TLR1: variants seen among roughly 807,000 people sequenced by gnomAD.
TLR1 encodes toll-like receptor 1.
In TLR1, 19 loss-of-function variants were observed where a neutral mutation model predicts 20.2. The observed-to-expected ratio is 0.94, with a 90% confidence interval of 0.66 to 1.38. TLR1 has a LOEUF of 1.38. Ranked by LOEUF, TLR1 falls within the 40% of genes most tolerant of loss-of-function variation. The probability of loss-of-function intolerance (pLI) is 0.00; values close to 1 mark genes in which losing one functional copy is unlikely to be tolerated. For synonymous variants in TLR1, 320 were observed against 334.5 expected (o/e 0.96, Z 0.47); for missense variants, 921 against 910.0 (o/e 1.01, Z -0.16).
Position 38,797,345 on chromosome 4 carries a change from A to C in TLR1, c.1487T>G (p.Ile496Ser). The C allele has an allele frequency of 6.2e-7, 1 of 1,614,154 alleles. No homozygotes were observed. The highest frequency in any genetic ancestry group is 8.5e-7 in the Non-Finnish European group (1 of 1,180,006). ...GTGGGAAACTGAATTGTGATCAATG[A>C]TCAATACAGAAAGGCTGCTAAAGCT... is the stretch of plus-strand genomic sequence containing the variant. The part of the protein sequence containing the change: ...CGSFSSLSVL[I>S]IDHNSVSHPS... Residue 496 changes from isoleucine to serine, a missense_variant, in exon 4 of 4, where the codon ATC becomes AGC. Physicochemically the swap from Ile to Ser is moderately radical, Grantham distance 142. Coordinates refer to ENST00000308979, the MANE Select transcript of TLR1 (RefSeq NM_003263.4).
At chr4:38,788,744 C>T (rs1220864371), downstream of TLR1, among the ~76,000 whole-genome samples, 2 of 152,142 alleles carry the variant, frequency 1.3e-5, no homozygotes, top group African/African-American at 4.8e-5. Context: ...TGCAGTGACT[C>T]GTGTGTAATC....
intron 3 of TLR1, 48 bp from the exon 4 acceptor site, chr4:38,798,946 A>G: frequency 1.1e-6 from 1 of 894,996 alleles, no homozygotes; most frequent in Non-Finnish European, 1.6e-6. Context: ...TACATTTTTA[A>G]AATACACGAA....
rs922926209 is a variant in TLR1, at chr4:38,804,342, G to A, written c.-196C>T. On this transcript the variant is annotated 5_prime_UTR_variant, in exon 2 of 4. Transcript: ENST00000308979. Reference sequence around the variant, plus strand: ...AACAGAAGAGCTGAACAGCAGCATTGCCTCCGGGAGTAACTGACTTATATC... The same window carrying A: ...AACAGAAGAGCTGAACAGCAGCATTACCTCCGGGAGTAACTGACTTATATC... 1.1e-4 allele frequency: 16 copies of A among 152,274 alleles called. No homozygotes were observed. The highest frequency in any genetic ancestry group is 3.6e-4 in the African/African-American group (15 of 41,454). 9.4% of individuals were successfully genotyped at this position (152,274 alleles called of 1,614,324 possible). A position where few individuals can be genotyped will look rare whatever the true frequency, so the allele number is the denominator to read the frequency against.
In TLR1 at chr4:38,797,439, C is replaced by T. The variant is rs200070488; in HGVS notation, c.1393G>A (p.Val465Ile). The T allele has an allele frequency of 7.2e-5, 117 of 1,613,956 alleles. No homozygotes were observed. Among genetic ancestry groups the T allele is most frequent in the Middle Eastern group, 1.6e-4 (1 of 6,076 alleles). Residue 465 changes from valine (V) to isoleucine (I), a missense_variant, in exon 4 of 4, where the codon GTA becomes ATA. Val to Ile is a conservative substitution (Grantham distance 29, BLOSUM62 3). Transcript: ENST00000308979. The stretch of plus-strand genomic sequence containing the variant: ...AGTTCTTGCAAAGCTTCCAGTTTTA[C>T]GACTTGTTTAGGAATGCTCTTTATT... The part of the protein sequence containing the change: ...NKIKSIPKQV[V>I]KLEALQELNV...
At chr4:38,793,329 C>T (rs1169863309), downstream of TLR1, among the ~76,000 whole-genome samples, 2 of 152,138 alleles carry the variant, frequency 1.3e-5, no homozygotes, top group Non-Finnish European at 1.5e-5. Flanking sequence ...CTATATTTTA[C>T]AAATAATGAA....
rs1360128234 is a variant in TLR1, at chr4:38,797,375, C to T, written c.1457G>A (p.Cys486Tyr). Residue 486 changes from cysteine (C) to tyrosine (Y), a missense_variant, in exon 4 of 4, where the codon TGT becomes TAT. Cys to Tyr is a radical substitution (Grantham distance 194). Transcript: ENST00000308979. ...AFNSLTDLPG[C>Y]GSFSSLSVLI... Reference sequence around the variant, plus strand: ...TACAGAAAGGCTGCTAAAGCTGCCACATCCAGGAAGGTCAGTTAAAGAATT... The same window carrying T: ...TACAGAAAGGCTGCTAAAGCTGCCATATCCAGGAAGGTCAGTTAAAGAATT... 7 of 1,614,136 alleles carry T rather than the reference C, an allele frequency of 4.3e-6. No individual in the cohort carries two copies. The highest frequency in any genetic ancestry group is 5.9e-6 in the Non-Finnish European group (7 of 1,179,972).
downstream of TLR1, chr4:38,790,633 T>C (rs1295835732): frequency 6.6e-6 from 1 of 152,066 alleles, no homozygotes; most frequent in African/African-American, 2.4e-5. Context: ...GATTTCTCCG[T>C]CTTATTATTA....
chr4:38,801,986 C>T (rs1726691030), intron 2 of TLR1, among the ~76,000 whole-genome samples: 2 of 152,216 alleles, frequency 1.3e-5, no homozygotes, highest in Admixed American at 6.5e-5. Context: ...CACTTGAGGT[C>T]GGGAGTTTGA....
At chr4:38,798,983 T>C in intron 3 of TLR1, 85 bp from the exon 4 acceptor site, 1 of 667,536 alleles carries the variant, frequency 1.5e-6, no homozygotes, top group Non-Finnish European at 2.4e-6. Flanking sequence ...ATTAAACTTT[T>C]TTTTGTTACA....
downstream of TLR1, among the ~76,000 whole-genome samples, chr4:38,787,637 C>T (rs1354998621): frequency 3.3e-5 from 5 of 151,972 alleles, no homozygotes; most frequent in Admixed American, 2.0e-4. Context: ...TTCGCAAGTA[C>T]TCAATATAAA....
chr4:38,802,283 A>T (rs1726720106), intron 2 of TLR1, among the ~76,000 whole-genome samples: 1 of 152,176 alleles, frequency 6.6e-6, no homozygotes, highest in Admixed American at 6.5e-5. Flanking sequence ...GTCTCCTAAT[A>T]GATAGAAAAC....
upstream of TLR1, chr4:38,805,465 C>T (rs1042258705): frequency 6.6e-6 from 1 of 152,100 alleles, no homozygotes; most frequent in African/African-American, 2.4e-5. Context: ...TTATAAAAAT[C>T]CTGGGGTTTG....
chr4:38,802,214 A>C (rs914453426), intron 2 of TLR1, among the ~76,000 whole-genome samples: 3 of 152,202 alleles, frequency 2.0e-5, no homozygotes, highest in Non-Finnish European at 4.4e-5. Flanking sequence ...AACAAACAAA[A>C]ACAAAAAAAC....
downstream of TLR1, among the ~76,000 whole-genome samples, chr4:38,795,621 A>G (rs149277446): frequency 1.1e-4 from 17 of 152,352 alleles, no homozygotes; most frequent in African/African-American, 3.8e-4. Context: ...CTGAGGTGGA[A>G]CACTTTCTTG....
chr4:38,804,177 G>A (rs1726868132), intron 2 of TLR1, 129 bp downstream of exon 2: 2 of 152,330 alleles, frequency 1.3e-5, no homozygotes, highest in East Asian at 3.9e-4. Flanking sequence ...CAAATTGGAT[G>A]TAGCCTGGGA....
In TLR1 at chr4:38,797,987, T is replaced by C; in HGVS notation, c.845A>G (p.Lys282Arg). ...TVWYFSISNVKLQGQLDFRDF... is the reference protein window; with the variant it reads ...TVWYFSISNVRLQGQLDFRDF... ...TCTGAAGTCCAGCTGACCCTGTAGCTTCACGTTTGAAATTGAGAAATACCA... is the reference window on the plus strand; with the variant it reads ...TCTGAAGTCCAGCTGACCCTGTAGCCTCACGTTTGAAATTGAGAAATACCA... Residue 282 changes from lysine to arginine, a missense_variant, in exon 4 of 4, where the codon AAG (lysine) becomes AGG (arginine). Coordinates refer to ENST00000308979, the MANE Select transcript of TLR1 (RefSeq NM_003263.4). The C allele has an allele frequency of 1.2e-6, 2 of 1,614,194 alleles. No individual in the cohort carries two copies. Among genetic ancestry groups the C allele is most frequent in the African/African-American group, 1.3e-5 (1 of 75,062 alleles).
chr4:38,796,276 A>G lies in TLR1; in HGVS notation c.*195T>C. 1.6e-6 allele frequency: 1 copy of G among 620,790 alleles called. No individual in the cohort carries two copies. The highest frequency in any genetic ancestry group is 2.7e-6 in the Non-Finnish European group (1 of 367,202). The allele number at this position is 620,790 out of a possible 1,614,324, so 38.5% of individuals were successfully genotyped here. On this transcript the variant is annotated 3_prime_UTR_variant, in exon 4 of 4. Coordinates refer to ENST00000308979, the MANE Select transcript of TLR1 (RefSeq NM_003263.4). Reference sequence around the variant, plus strand: ...TCCCTTATGTGTCAGAACTGTTTAAATCAAAGTTATATCATTTCATTAATT... The same window carrying G: ...TCCCTTATGTGTCAGAACTGTTTAAGTCAAAGTTATATCATTTCATTAATT...
chr4:38,804,840 G>C (rs975948883), upstream of TLR1: 2 of 152,072 alleles, frequency 1.3e-5, no homozygotes, highest in African/African-American at 4.8e-5. Context: ...AACCACATTT[G>C]GTGTTGAAAA....
intron 2 of TLR1, among the ~76,000 whole-genome samples, chr4:38,803,128 G>A (rs1726789787): frequency 6.6e-6 from 1 of 152,234 alleles, no homozygotes; most frequent in Admixed American, 6.5e-5. Flanking sequence ...GCCAGGACAA[G>A]GCGGACAGTC....
Sources: gnomAD v4.1 joint callset for allele counts (sites outside exome capture counted in the v4.1 genomes callset) on GRCh38, gnomAD v4.1.1 for gene constraint, MANE v1.5 for transcripts, NCBI Gene and HGNC (gene_info 2026-07-23, HGNC 2026-07-21) for gene names.